KIRREL3: variants seen among roughly 807,000 people sequenced by gnomAD.
KIRREL3 encodes the protein kirre like nephrin family adhesion molecule 3.
In KIRREL3, 36 loss-of-function variants were observed where a neutral mutation model predicts 89.7. That is an observed-to-expected ratio of 0.40 (90% confidence interval 0.31 to 0.53). The LOEUF (loss-of-function observed/expected upper bound fraction) is 0.53, where lower values mean the gene tolerates loss of function less well. Ranked by LOEUF, KIRREL3 falls within the 20% of genes least tolerant of loss-of-function variation. The pLI is 0.49. For synonymous variants in KIRREL3, 445 were observed against 441.4 expected (o/e 1.01, Z -0.10); for missense variants, 864 against 1,056.6 (o/e 0.82, Z 2.53).
At position 126,531,398 on chromosome 11, in the gene KIRREL3, G is replaced by A. The variant is rs187473951; in HGVS notation, c.134-4711C>T. 2.1e-3 allele frequency among the ~76,000 whole-genome samples: 320 copies of A among 152,230 alleles called. 1 individual carries two copies. Among genetic ancestry groups the A allele is most frequent in the African/African-American group, 6.9e-3 (287 of 41,528 alleles). Reference sequence around the variant, plus strand: ...CCTCTCATGGCTCTCCACTCTCTGCGGGACAACGCCCAACTTCCCATGCTG... The same window carrying A: ...CCTCTCATGGCTCTCCACTCTCTGCAGGACAACGCCCAACTTCCCATGCTG... On this transcript the variant is annotated intron_variant, in intron 2 of 16. Coordinates refer to ENST00000525144, the MANE Select transcript of KIRREL3 (RefSeq NM_032531.4). The surrounding 1 kb of genome is among the most constrained non-coding windows in gnomAD (Gnocchi z 4.7).
At position 126,424,731 on chromosome 11, in the gene KIRREL3, C is replaced by A. The variant is rs375680865; in HGVS notation, c.2186G>T (p.Ser729Ile). ...SSSFLDTQCD[S>I]SVSSSGKQDG... Reference sequence around the variant, plus strand: ...CTGCTTGCCGCTGCTGCTGACGCTGCTGTCACACTGCGTGTCCAGGAAGGA... The same window carrying A: ...CTGCTTGCCGCTGCTGCTGACGCTGATGTCACACTGCGTGTCCAGGAAGGA... The change falls in exon 17 of 17, where the codon AGC becomes ATC. Residue 729 changes from serine (S) to isoleucine (I), a missense_variant. Coordinates refer to ENST00000525144, the MANE Select transcript of KIRREL3 (RefSeq NM_032531.4). 3.7e-6 allele frequency: 6 copies of A among 1,614,056 alleles called. No individual in the cohort carries two copies. The highest frequency in any genetic ancestry group is 5.1e-6 in the Non-Finnish European group (6 of 1,179,896).
At chr11:126,452,974 C>CACGAGG in intron 7 of KIRREL3, among the ~76,000 whole-genome samples, 1 of 152,172 alleles carries the variant, frequency 6.6e-6, no homozygotes, top group African/African-American at 2.4e-5. Context: ...AAGAGTGAGT[C>CACGAGG]TCGCCCCACC....
chr11:126,500,791 A>G (rs772579134), intron 4 of KIRREL3, among the ~76,000 whole-genome samples: 50 of 151,978 alleles, frequency 3.3e-4, no homozygotes, highest in Non-Finnish European at 7.2e-4. Flanking sequence ...TTTTCACTGC[A>G]TTCTTATTTT....
chr11:126,866,067 C>T (rs1944907608), intron 1 of KIRREL3, among the ~76,000 whole-genome samples: 1 of 152,140 alleles, frequency 6.6e-6, no homozygotes, highest in South Asian at 2.1e-4. Flanking sequence ...AGTGATTTAC[C>T]GGTGTCAGCC....
chr11:126,509,841 C>T (rs1224347992), intron 4 of KIRREL3, among the ~76,000 whole-genome samples: 1 of 151,844 alleles, frequency 6.6e-6, no homozygotes, highest in Admixed American at 6.6e-5. Context: ...ACTAAAAATA[C>T]AGAAAATTAG....
At chr11:126,921,866 CCTAT>C (rs147316924) in intron 1 of KIRREL3, among the ~76,000 whole-genome samples, 42,649 of 148,460 alleles carry the variant, frequency 0.29, 6,490 homozygotes, top group Middle Eastern at 0.4. Context: ...TTTCTGTCAT[CCTAT>C]CTATCTATCT....
At chr11:126,540,538 A>G (rs1399947849) in intron 2 of KIRREL3, among the ~76,000 whole-genome samples, 5 of 152,234 alleles carry the variant, frequency 3.3e-5, no homozygotes, top group Admixed American at 6.5e-5. Flanking sequence ...AGTCACTATA[A>G]ATCCTTTGCC....
chr11:126,506,689 T>C (rs1439354503), intron 4 of KIRREL3, among the ~76,000 whole-genome samples: 2 of 152,226 alleles, frequency 1.3e-5, no homozygotes. Flanking sequence ...TTCCATATTA[T>C]GTAGCCATTC....
rs138130651 is a variant in KIRREL3, at chr11:126,904,937, GGATGATGATGAT to G, written c.55+95506_55+95517del. ...ATAAATAACTGACTATCCATGATGG[GGATGATGATGAT>G]GATGATGATGATGATACAGAAATAG... On this transcript the variant is annotated intron_variant, in intron 1 of 16. Transcript: ENST00000525144. This position sits in a 1 kb window ranked among gnomAD's most constrained non-coding sequence, Gnocchi z 4.4. Among the ~76,000 whole-genome samples the G allele has an allele frequency of 2.6e-5, 4 of 151,146 alleles. No homozygotes were observed. The highest frequency in any genetic ancestry group is 7.3e-5 in the African/African-American group (3 of 41,052).
rs567814378 is a variant in KIRREL3 at position 126,778,102 on chromosome 11, G to C, written c.56-215190C>G. Among the ~76,000 whole-genome samples the C allele has an allele frequency of 2.0e-5, 3 of 151,102 alleles. No individual in the cohort carries two copies. The highest frequency in any genetic ancestry group is 4.2e-4 in the South Asian group (2 of 4,756). On this transcript the variant is annotated intron_variant, in intron 1 of 16. Coordinates refer to ENST00000525144, the MANE Select transcript of KIRREL3 (RefSeq NM_032531.4). The surrounding 1 kb of genome is among the most constrained non-coding windows in gnomAD (Gnocchi z 4.5). ...TCCAAAAGAGCAAAATGAAAATTAT[G>C]CCAGCCCCCTGACCTCCCCACCCAG... is the stretch of plus-strand genomic sequence containing the variant.
At chr11:126,446,608 C>T (rs996228053) in intron 9 of KIRREL3, 151 bp downstream of exon 9, 47 of 903,282 alleles carry the variant, frequency 5.2e-5, no homozygotes, top group Non-Finnish European at 7.3e-5. Context: ...TGGGTTCCCC[C>T]TCCTCTTTCT....
chr11:126,577,152 T>A (rs1181319934), intron 1 of KIRREL3, among the ~76,000 whole-genome samples: 1 of 152,170 alleles, frequency 6.6e-6, no homozygotes, highest in African/African-American at 2.4e-5. Context: ...TTAGCCGCGT[T>A]TCCTATCGAC....
chr11:126,937,685 G>T (rs1371741089), intron 1 of KIRREL3, among the ~76,000 whole-genome samples: 4 of 152,136 alleles, frequency 2.6e-5, no homozygotes, highest in African/African-American at 9.7e-5. Context: ...GGATCACGAG[G>T]TCAGGAGATC....
rs56695003 is a variant in KIRREL3, at chr11:126,999,149, AGT to A, written c.55+1304_55+1305del. Among the ~76,000 whole-genome samples the A allele has an allele frequency of 1.3e-3, 190 of 140,984 alleles. No individual in the cohort carries two copies. The highest frequency in any genetic ancestry group is 0.011 in the South Asian group (46 of 4,306). The allele number at this position is 140,984 out of a possible 152,430, so 92.5% of individuals were successfully genotyped here. A position where few individuals can be genotyped will look rare whatever the true frequency, so the allele number is the denominator to read the frequency against. The stretch of plus-strand genomic sequence containing the variant: ...AAGCACACAACCATATGAATACATG[AGT>A]GTGTGTGTGTGTGTGTGTGTACATA... On this transcript the variant is annotated intron_variant, in intron 1 of 16. Transcript: ENST00000525144. This position sits in a 1 kb window ranked among gnomAD's most constrained non-coding sequence, Gnocchi z 5.7.
chr11:126,839,473 A>T (rs1943890146), intron 1 of KIRREL3, among the ~76,000 whole-genome samples: 1 of 152,182 alleles, frequency 6.6e-6, no homozygotes, highest in Admixed American at 6.5e-5. Flanking sequence ...GGCTGGAGGA[A>T]AAGGGGTTGG....
Position 126,769,960 on chromosome 11 carries a change from T to C in KIRREL3, c.56-207048A>G, listed in dbSNP as rs1220271980. Among the ~76,000 whole-genome samples, 2 of 152,088 alleles carry C rather than the reference T, an allele frequency of 1.3e-5. No individual in the cohort carries two copies. The highest frequency in any genetic ancestry group is 2.9e-5 in the Non-Finnish European group (2 of 68,034). On this transcript the variant is annotated intron_variant, in intron 1 of 16. Transcript: ENST00000525144. The surrounding 1 kb of genome is among the most constrained non-coding windows in gnomAD (Gnocchi z 4.3). The stretch of plus-strand genomic sequence containing the variant: ...CTAGAGCTCTGTGGATATTAGCTGT[T>C]GATTATAGTTGTTTTTCCCAGATCC...
At position 126,431,516 on chromosome 11, in the gene KIRREL3, C is replaced by T. The variant is rs565358488; in HGVS notation, c.1599G>A (p.Pro533=). The T allele has an allele frequency of 6.8e-5, 109 of 1,613,770 alleles. No individual in the cohort carries two copies. Among genetic ancestry groups the T allele is most frequent in the African/African-American group, 2.5e-4 (19 of 75,058 alleles). ...CGGCCACCCCAATGATGACGGCCAT[C>T]GGCACAGACTCTGTGGGAGAGAAGC... The part of the protein sequence containing the change: ...SGAGLEAESV[P]MAVIIGVAVG... Residue 533 remains proline, a synonymous_variant, in exon 14 of 17, where the codon CCG becomes CCA. Transcript: ENST00000525144. The surrounding 1 kb of genome is among the most constrained non-coding windows in gnomAD (Gnocchi z 7.1).
intron 1 of KIRREL3, among the ~76,000 whole-genome samples, chr11:126,826,883 A>G (rs1180635879): frequency 9.9e-5 from 15 of 152,202 alleles, no homozygotes; most frequent in Admixed American, 9.8e-4. Flanking sequence ...CTGACTCTAG[A>G]GTCTCTCCTG....
intron 1 of KIRREL3, among the ~76,000 whole-genome samples, chr11:126,966,456 C>T (rs536717630): frequency 6.6e-6 from 1 of 152,218 alleles, no homozygotes; most frequent in Admixed American, 6.5e-5. Flanking sequence ...TCAGTTTCTC[C>T]CTCCTATCCT....
Sources: allele counts gnomAD v4.1 joint callset (sites outside exome capture counted in the v4.1 genomes callset), GRCh38; gene constraint gnomAD v4.1.1; non-coding constraint Gnocchi (gnomAD v3.1); transcripts MANE v1.5; gene names NCBI Gene and HGNC (gene_info 2026-07-23, HGNC 2026-07-21).